Variants in PARD3B observed in about 807,000 individuals in gnomAD.
The protein encoded by PARD3B is par-3 family cell polarity regulator beta, also known as partitioning defective 3 homolog B.
PARD3B carries 103 observed loss-of-function variants against 130.2 expected under a neutral mutation model. The observed-to-expected ratio is 0.79, with a 90% CI of 0.67 to 0.93. The LOEUF (loss-of-function observed/expected upper bound fraction) is 0.93, where lower values mean the gene tolerates loss of function less well. PARD3B is among the 40% of genes least tolerant of loss of function. The pLI is 0.00. For missense variants in PARD3B, 1,609 were observed against 1,499.2 expected (o/e 1.07, Z -1.21); for synonymous variants, 583 against 553.2 (o/e 1.05, Z -0.76).
rs2125790670 is a variant in PARD3B at position 205,187,224 on chromosome 2, A to G, written c.2024+1361A>G. On this transcript the variant is annotated intron_variant, in intron 14 of 22. Coordinates refer to ENST00000406610, the MANE Select transcript of PARD3B (RefSeq NM_001302769.2). This position sits in a 1 kb window ranked among gnomAD's most constrained non-coding sequence, Gnocchi z 4.9. ...TAGCAGGTGGACATGAGATGAGCCC[A>G]GGAAGAAAGGGCATTTCGGGAGGGA... Among the ~76,000 whole-genome samples the G allele has an allele frequency of 6.6e-6, 1 of 152,332 alleles. No homozygotes were observed. The highest frequency in any genetic ancestry group is 2.1e-4 in the South Asian group (1 of 4,822).
chr2:204,870,160 A>G (rs1452739140), intron 2 of PARD3B, among the ~76,000 whole-genome samples: 1 of 152,040 alleles, frequency 6.6e-6, no homozygotes, highest in Middle Eastern at 3.2e-3. Context: ...GGCCCCCAAT[A>G]TAAGCATTTT....
In PARD3B at chr2:204,883,434, AAT is replaced by A. The variant is rs1282841007; in HGVS notation, c.223-81697_223-81696del. On this transcript the variant is annotated intron_variant, in intron 2 of 22. Transcript: ENST00000406610. The stretch of plus-strand genomic sequence containing the variant: ...ATATATATAATATATATATATATAA[AAT>A]ATATATATATATATATATATTTTTT... Among the ~76,000 whole-genome samples the A allele has an allele frequency of 3.1e-4, 32 of 104,464 alleles. 1 individual carries two copies. Among genetic ancestry groups the A allele is most frequent in the East Asian group, 1.3e-3 (5 of 3,970 alleles). The allele number at this position is 104,464 out of a possible 152,430, so 68.5% of individuals were successfully genotyped here.
chr2:205,378,793 A>C (rs561985902), intron 18 of PARD3B, among the ~76,000 whole-genome samples: 4 of 152,022 alleles, frequency 2.6e-5, no homozygotes, highest in Admixed American at 1.3e-4. Flanking sequence ...CACCACACCC[A>C]GCTAATTTTT....
intron 2 of PARD3B, among the ~76,000 whole-genome samples, chr2:204,717,589 A>G (rs1377820322): frequency 6.6e-6 from 1 of 152,206 alleles, no homozygotes; most frequent in Non-Finnish European, 1.5e-5. Flanking sequence ...GAGAATGAGC[A>G]GTTGGACAGA....
intron 16 of PARD3B, among the ~76,000 whole-genome samples, chr2:205,286,304 T>G (rs2105855732): frequency 6.6e-6 from 1 of 152,286 alleles, no homozygotes; most frequent in Admixed American, 6.5e-5. Flanking sequence ...TTACATGAGT[T>G]AATAGATATA....
At chr2:205,017,083 A>G (rs1398758714) in intron 3 of PARD3B, among the ~76,000 whole-genome samples, 2 of 152,120 alleles carry the variant, frequency 1.3e-5, no homozygotes, top group African/African-American at 4.8e-5. Flanking sequence ...ATAGTCTACT[A>G]TGCATTATGG....
chr2:205,036,862 A>G (rs1011842956), intron 3 of PARD3B, among the ~76,000 whole-genome samples: 3 of 151,664 alleles, frequency 2.0e-5, no homozygotes, highest in African/African-American at 7.2e-5. Context: ...TGGACTGTAT[A>G]TGTAAAGAAC....
intron 2 of PARD3B, among the ~76,000 whole-genome samples, chr2:204,947,888 G>A (rs912573348): frequency 1.3e-5 from 2 of 152,158 alleles, no homozygotes; most frequent in African/African-American, 2.4e-5. Flanking sequence ...TTCAAGAGCA[G>A]AAATATCATA....
intron 20 of PARD3B, among the ~76,000 whole-genome samples, chr2:205,462,225 A>G (rs957948558): frequency 1.7e-4 from 26 of 152,208 alleles, no homozygotes; most frequent in African/African-American, 6.3e-4. Flanking sequence ...CAGAGTCAAG[A>G]TATGCTTGTA....
intron 2 of PARD3B, among the ~76,000 whole-genome samples, chr2:204,953,426 G>C (rs879281831): frequency 0.13 from 3,544 of 27,542 alleles, 59 homozygotes; most frequent in Admixed American, 0.16. Context: ...CACACAGAGA[G>C]AGAGAGAGAG....
Position 205,397,063 on chromosome 2 carries a change from T to G in PARD3B, c.2631-3950T>G, listed in dbSNP as rs942805766. On this transcript the variant is annotated intron_variant, in intron 18 of 22. Transcript: ENST00000406610. This position sits in a 1 kb window ranked among gnomAD's most constrained non-coding sequence, Gnocchi z 4.8. ...TGCCACTACTGATAATTAAGTTGTC[T>G]TATTGCAAAATGAAAAAGAATTCAG... is the stretch of plus-strand genomic sequence containing the variant. Among the ~76,000 whole-genome samples, 1 of 152,200 alleles carries G rather than the reference T, an allele frequency of 6.6e-6. No individual in the cohort carries two copies. The highest frequency in any genetic ancestry group is 6.5e-5 in the Admixed American group (1 of 15,284).
At chr2:204,740,755 C>A (rs77384240) in intron 2 of PARD3B, among the ~76,000 whole-genome samples, 3,000 of 152,216 alleles carry the variant, frequency 0.02, 95 homozygotes, top group African/African-American at 0.069. Flanking sequence ...CATGGTGACA[C>A]CAGGGTGCAC....
At chr2:205,514,830 GTTCT>G (rs1311932416) in intron 21 of PARD3B, among the ~76,000 whole-genome samples, 4 of 53,832 alleles carry the variant, frequency 7.4e-5, no homozygotes, top group East Asian at 1.4e-3. Context: ...TTTTCTTACA[GTTCT>G]TTTTTTTTTT....
At chr2:204,897,353 A>C (rs183529295) in intron 2 of PARD3B, among the ~76,000 whole-genome samples, 1 of 150,482 alleles carries the variant, frequency 6.6e-6, no homozygotes, top group South Asian at 2.1e-4. Flanking sequence ...GTAGGCCGTA[A>C]TAAATATAGA....
chr2:204,777,499 T>A (rs560024288), intron 2 of PARD3B, among the ~76,000 whole-genome samples: 1 of 152,336 alleles, frequency 6.6e-6, no homozygotes, highest in South Asian at 2.1e-4. Context: ...CCAGGCATAG[T>A]GGCCCATGCC....
chr2:205,441,742 C>G (rs1443087087), intron 20 of PARD3B, among the ~76,000 whole-genome samples: 1 of 152,098 alleles, frequency 6.6e-6, no homozygotes, highest in Admixed American at 6.6e-5. Context: ...CATTTTTATG[C>G]AGACTGTAAA....
intron 1 of PARD3B, among the ~76,000 whole-genome samples, chr2:204,609,879 T>G (rs73059010): frequency 0.021 from 3,183 of 152,246 alleles, 116 homozygotes; most frequent in East Asian, 0.13. Flanking sequence ...TCTCTACATA[T>G]GCAAATTTCC....
At chr2:204,596,473 T>C (rs989810018) in intron 1 of PARD3B, among the ~76,000 whole-genome samples, 1 of 152,204 alleles carries the variant, frequency 6.6e-6, no homozygotes, top group Non-Finnish European at 1.5e-5. Context: ...GAAACCTGAC[T>C]TCAGGGTTCA....
intron 2 of PARD3B, among the ~76,000 whole-genome samples, chr2:204,855,320 G>A (rs572008292): frequency 2.5e-4 from 38 of 152,098 alleles, no homozygotes; most frequent in African/African-American, 5.1e-4. Flanking sequence ...CAAGCTGGGT[G>A]GATCGTGAGG....
Sources: gnomAD v4.1 joint callset for allele counts (sites outside exome capture counted in the v4.1 genomes callset) on GRCh38, gnomAD v4.1.1 for gene constraint, Gnocchi (gnomAD v3.1) non-coding constraint, MANE v1.5 for transcripts, NCBI Gene and HGNC (gene_info 2026-07-23, HGNC 2026-07-21) for gene names.